Variants in RIN2 observed in about 807,000 individuals in gnomAD.
RIN2 encodes the protein RAB5 interacting protein 2.
RIN2 carries 36 observed loss-of-function variants against 78.0 expected under a neutral mutation model. That is an observed-to-expected ratio of 0.46 (90% confidence interval 0.35 to 0.61). RIN2 has a LOEUF of 0.61. RIN2 is among the 20% of genes least tolerant of loss of function. The pLI, the probability that RIN2 is intolerant of heterozygous loss-of-function variation, is 0.00. For missense variants in RIN2, 1,087 were observed against 1,159.7 expected (o/e 0.94, Z 0.91); for synonymous variants, 466 against 466.8 (o/e 1.00, Z 0.02).
chr20:19,944,667 C>T (rs1179197086), intron 4 of RIN2, among the ~76,000 whole-genome samples: 4 of 151,760 alleles, frequency 2.6e-5, no homozygotes, highest in Admixed American at 6.6e-5. Flanking sequence ...GAAATTTTAA[C>T]ACAAAAATAT....
chr20:19,922,402 G>T (rs2039960559), intron 3 of RIN2, among the ~76,000 whole-genome samples: 1 of 152,232 alleles, frequency 6.6e-6, no homozygotes, highest in Middle Eastern at 3.4e-3. Context: ...GGTGTGAGAG[G>T]CCCCCTCTGG....
chr20:19,775,537 T>C (rs938769145), intron 1 of RIN2, among the ~76,000 whole-genome samples: 2 of 152,184 alleles, frequency 1.3e-5, no homozygotes, highest in Non-Finnish European at 2.9e-5. Context: ...AGAGGTGACA[T>C]CACTAATTTA....
At chr20:19,760,483 G>T (rs903479403) in intron 1 of RIN2, among the ~76,000 whole-genome samples, 1 of 152,058 alleles carries the variant, frequency 6.6e-6, no homozygotes, top group African/African-American at 2.4e-5. Context: ...AGATAACTTC[G>T]CAGCAGCACT....
intron 2 of RIN2, among the ~76,000 whole-genome samples, chr20:19,860,258 A>G (rs2037290843): frequency 6.6e-6 from 1 of 151,828 alleles, no homozygotes; most frequent in African/African-American, 2.4e-5. Flanking sequence ...TGGTGCCAAG[A>G]GACATCCTGT....
At chr20:19,985,699 C>A (rs768493104) in intron 9 of RIN2, among the ~76,000 whole-genome samples, 8 of 152,084 alleles carry the variant, frequency 5.3e-5, no homozygotes, top group Non-Finnish European at 1.2e-4. Context: ...TAGTGAGACC[C>A]CCAGCATCTC....
At chr20:19,763,045 G>T (rs1008528698) in intron 1 of RIN2, among the ~76,000 whole-genome samples, 1 of 152,100 alleles carries the variant, frequency 6.6e-6, no homozygotes, top group Admixed American at 6.5e-5. Flanking sequence ...AATTACAGGC[G>T]TGTGCCACCA....
chr20:19,902,608 C>T (rs546747788), intron 3 of RIN2, among the ~76,000 whole-genome samples: 7 of 152,048 alleles, frequency 4.6e-5, no homozygotes, highest in African/African-American at 1.7e-4. Flanking sequence ...GTTCTCAGTC[C>T]GAGGGAGCTG....
intron 3 of RIN2, among the ~76,000 whole-genome samples, chr20:19,896,813 T>A (rs759219167): frequency 1.3e-5 from 2 of 152,216 alleles, no homozygotes; most frequent in Non-Finnish European, 2.9e-5. Context: ...GATGTAATTT[T>A]AAGCATTCTA....
intron 4 of RIN2, among the ~76,000 whole-genome samples, chr20:19,938,090 G>A (rs1466734867): frequency 6.6e-6 from 1 of 152,176 alleles, no homozygotes; most frequent in Non-Finnish European, 1.5e-5. Context: ...ACCTCCCTGG[G>A]ATCCTCTTAG....
chr20:19,806,469 C>T (rs2035412400), intron 2 of RIN2, among the ~76,000 whole-genome samples: 1 of 152,188 alleles, frequency 6.6e-6, no homozygotes, highest in African/African-American at 2.4e-5. Context: ...TGATTATATC[C>T]TGTACGTTGC....
At chr20:19,842,216 TG>T (rs869174630) in intron 2 of RIN2, among the ~76,000 whole-genome samples, 204 of 2,936 alleles carry the variant, frequency 0.069, 1 homozygote, top group African/African-American at 0.18. Flanking sequence ...TTGTTTTTTT[TG>T]TTTGTTTGTT....
rs767301740 is a variant in RIN2 at position 19,975,313 on chromosome 20, A to C, written c.1288A>C (p.Ser430Arg). 6.2e-7 allele frequency: 1 copy of C among 1,608,258 alleles called. No individual in the cohort carries two copies. The highest frequency in any genetic ancestry group is 1.1e-5 in the South Asian group (1 of 90,120). ...GTGCCATGGAGGCCGGCAGCGGCTGAGCGACATGAGCATTTCTACTTCCTC... is the reference window on the plus strand; with the variant it reads ...GTGCCATGGAGGCCGGCAGCGGCTGCGCGACATGAGCATTTCTACTTCCTC... ...PPCHGGRQRLSDMSISTSSSD... is the reference protein window; with the variant it reads ...PPCHGGRQRLRDMSISTSSSD... The change falls in exon 9 of 13, where the codon AGC (serine) becomes CGC (arginine). Residue 430 changes from serine (S) to arginine (R), a missense_variant. Around this residue, in one of 8 missense-constraint regions of RIN2, gnomAD observed 706 missense variants for 667.5 expected, o/e 1.06. Coordinates refer to ENST00000255006, the MANE Select transcript of RIN2 (RefSeq NM_018993.4). The surrounding 1 kb of genome is among the most constrained non-coding windows in gnomAD (Gnocchi z 4.9).
intron 4 of RIN2, among the ~76,000 whole-genome samples, chr20:19,942,543 C>T (rs776014044): frequency 2.2e-4 from 33 of 152,216 alleles, no homozygotes; most frequent in Middle Eastern, 6.8e-3. Flanking sequence ...ACCCTGACCC[C>T]GACCCCACCC....
At chr20:19,759,114 G>A (rs2033519070) in intron 1 of RIN2, among the ~76,000 whole-genome samples, 1 of 152,152 alleles carries the variant, frequency 6.6e-6, no homozygotes, top group Non-Finnish European at 1.5e-5. Context: ...GCGGTGGCGC[G>A]CCCCTCGACC....
chr20:19,902,290 C>T (rs905057622), intron 3 of RIN2, among the ~76,000 whole-genome samples: 5 of 152,150 alleles, frequency 3.3e-5, no homozygotes, highest in African/African-American at 1.2e-4. Flanking sequence ...GAGATGCTGA[C>T]TCTGTGCCTC....
intron 1 of RIN2, among the ~76,000 whole-genome samples, chr20:19,775,774 C>T (rs958396404): frequency 6.6e-6 from 1 of 152,234 alleles, no homozygotes; most frequent in African/African-American, 2.4e-5. Context: ...AGCTGTACTG[C>T]TTCTCCCAAA....
intron 4 of RIN2, among the ~76,000 whole-genome samples, chr20:19,949,155 G>T (rs555869780): frequency 6.6e-6 from 1 of 152,298 alleles, no homozygotes; most frequent in Admixed American, 6.5e-5. Context: ...GGTGGTGTGT[G>T]CCTGTAATCC....
chr20:19,842,635 T>C (rs935846424), intron 2 of RIN2, among the ~76,000 whole-genome samples: 3 of 152,122 alleles, frequency 2.0e-5, no homozygotes, highest in African/African-American at 7.2e-5. Context: ...AAAATATTAC[T>C]GTTTATTGAC....
intron 2 of RIN2, among the ~76,000 whole-genome samples, chr20:19,877,922 T>TG (rs982298303): frequency 1.3e-5 from 2 of 152,066 alleles, no homozygotes; most frequent in Non-Finnish European, 2.9e-5. Flanking sequence ...GGAGAGGCTG[T>TG]GGTGGGAGTA....
Sources: gnomAD v4.1 joint callset for allele counts (sites outside exome capture counted in the v4.1 genomes callset) on GRCh38, gnomAD v4.1.1 for gene constraint, gnomAD v4.1.1 regional missense constraint, Gnocchi (gnomAD v3.1) non-coding constraint, MANE v1.5 for transcripts, NCBI Gene and HGNC (gene_info 2026-07-23, HGNC 2026-07-21) for gene names.